The following REDIC1 variants were observed in gnomAD, a reference collection of about 807,000 sequenced individuals.
REDIC1 encodes HEI10 Interacting Protein 1.
the REDIC1 span, among the ~76,000 whole-genome samples, chr12:39,824,827 G>A: frequency 6.6e-6 from 1 of 152,074 alleles, no homozygotes; most frequent in Non-Finnish European, 1.5e-5. Flanking sequence ...CAAGGAAAAA[G>A]GGACATCTAA....
the REDIC1 span, among the ~76,000 whole-genome samples, chr12:39,668,876 A>C: frequency 6.6e-6 from 1 of 152,080 alleles, no homozygotes; most frequent in East Asian, 1.9e-4. Context: ...TTCATCACGC[A>C]GTTCTCATGC....
the REDIC1 span, among the ~76,000 whole-genome samples, chr12:39,896,316 G>GTGTGTATA: frequency 8.1e-6 from 1 of 123,870 alleles, no homozygotes; most frequent in African/African-American, 3.1e-5. Context: ...ATACATATAT[G>GTGTGTATA]TATGTATATG....
chr12:39,699,919 C>T, the REDIC1 span, among the ~76,000 whole-genome samples: 1 of 152,100 alleles, frequency 6.6e-6, no homozygotes, highest in Non-Finnish European at 1.5e-5. Flanking sequence ...AAAGGACATC[C>T]ACACCAAAAA....
chr12:39,721,696 C>T, the REDIC1 span: 1 of 152,892 alleles, frequency 6.5e-6, no homozygotes, highest in Non-Finnish European at 1.5e-5. Context: ...TATTTTATGT[C>T]CTCATTATAA....
At chr12:39,680,488 C>T in the REDIC1 span, among the ~76,000 whole-genome samples, 808 of 152,152 alleles carry the variant, frequency 5.3e-3, 1 homozygote, top group African/African-American at 0.019. Flanking sequence ...TAGATGTTGG[C>T]ATGGATGTGG....
the REDIC1 span, among the ~76,000 whole-genome samples, chr12:39,696,077 G>T: frequency 6.6e-6 from 1 of 152,108 alleles, no homozygotes; most frequent in African/African-American, 2.4e-5. Context: ...TACAGCTTAG[G>T]TCTCAACACC....
At chr12:39,885,113 TG>T in the REDIC1 span, among the ~76,000 whole-genome samples, 99 of 152,192 alleles carry the variant, frequency 6.5e-4, no homozygotes, top group African/African-American at 2.4e-3. Context: ...GGGCTGATGA[TG>T]AAATGGAAAA....
the REDIC1 span, chr12:39,755,790 T>C: frequency 6.6e-6 from 1 of 152,108 alleles, no homozygotes; most frequent in Non-Finnish European, 1.5e-5. Flanking sequence ...CAACAGACTA[T>C]ATATTTTGTA....
chr12:39,787,079 A>G, the REDIC1 span, among the ~76,000 whole-genome samples: 1 of 152,178 alleles, frequency 6.6e-6, no homozygotes, highest in Non-Finnish European at 1.5e-5. Flanking sequence ...CCTCTGATCT[A>G]TGTATCAGGA....
the REDIC1 span, among the ~76,000 whole-genome samples, chr12:39,644,164 T>C: frequency 2.0e-5 from 3 of 151,836 alleles, no homozygotes; most frequent in Non-Finnish European, 4.4e-5. Flanking sequence ...AAACTTATTA[T>C]AGTACAGTTG....
At chr12:39,669,634 A>T in the REDIC1 span, among the ~76,000 whole-genome samples, 4 of 152,302 alleles carry the variant, frequency 2.6e-5, no homozygotes, top group East Asian at 7.7e-4. Context: ...TTGTTTGTCT[A>T]TGCCCTGCCC....
At chr12:39,868,407 A>G in the REDIC1 span, among the ~76,000 whole-genome samples, 1 of 152,356 alleles carries the variant, frequency 6.6e-6, no homozygotes, top group African/African-American at 2.4e-5. Flanking sequence ...AAAAAACAAA[A>G]TAATTTCCCT....
chr12:39,644,754 A>G, the REDIC1 span, among the ~76,000 whole-genome samples: 1 of 151,930 alleles, frequency 6.6e-6, no homozygotes, highest in South Asian at 2.1e-4. Flanking sequence ...TCCCAGTCGT[A>G]GGGGAATAAA....
At chr12:39,717,717 T>C in the REDIC1 span, among the ~76,000 whole-genome samples, 1 of 152,096 alleles carries the variant, frequency 6.6e-6, no homozygotes, top group African/African-American at 2.4e-5. Context: ...TACTTTAGCT[T>C]CAGAGCCTGT....
the REDIC1 span, chr12:39,907,512 T>G: frequency 1.3e-5 from 2 of 152,160 alleles, no homozygotes; most frequent in Non-Finnish European, 2.9e-5. Context: ...AAAACCATAA[T>G]GTACCTGATA....
At chr12:39,750,739 G>A in the REDIC1 span, among the ~76,000 whole-genome samples, 1 of 152,106 alleles carries the variant, frequency 6.6e-6, no homozygotes, top group African/African-American at 2.4e-5. Flanking sequence ...ACAGAACAGA[G>A]CCCTCAGAAA....
At chr12:39,797,917 C>T in the REDIC1 span, among the ~76,000 whole-genome samples, 9 of 152,056 alleles carry the variant, frequency 5.9e-5, no homozygotes, top group Admixed American at 5.9e-4. Flanking sequence ...CCAGAATATC[C>T]CCCAGTGATC....
At chr12:39,700,554 G>A in the REDIC1 span, among the ~76,000 whole-genome samples, 1 of 151,736 alleles carries the variant, frequency 6.6e-6, no homozygotes, top group Non-Finnish European at 1.5e-5. Context: ...AGCAAGGCAG[G>A]CCAACATTCA....
the REDIC1 span, among the ~76,000 whole-genome samples, chr12:39,718,244 C>T: frequency 6.6e-6 from 1 of 152,030 alleles, no homozygotes; most frequent in African/African-American, 2.4e-5. Flanking sequence ...CCTTAAAGGT[C>T]ACTGTGACTC....
Sources: allele counts gnomAD v4.1 joint callset (sites outside exome capture counted in the v4.1 genomes callset), GRCh38; gene constraint gnomAD v4.1.1; transcripts MANE v1.5; gene names NCBI Gene and HGNC (gene_info 2026-07-23, HGNC 2026-07-21).